ANKRD44: variants seen among roughly 807,000 people sequenced by gnomAD.
ANKRD44 encodes ankyrin repeat domain 44, also known as serine/threonine-protein phosphatase 6 regulatory ankyrin repeat subunit B.
ANKRD44 carries 35 observed loss-of-function variants against 116.0 expected under a neutral mutation model. The ratio of observed to expected loss-of-function variants is 0.30; its 90% CI spans 0.23 to 0.40. The LOEUF (loss-of-function observed/expected upper bound fraction) is 0.40, where lower values mean the gene tolerates loss of function less well. ANKRD44 is among the 10% of genes least tolerant of loss of function. The pLI is 1.00. For synonymous variants in ANKRD44, 435 were observed against 461.8 expected (o/e 0.94, Z 0.74); for missense variants, 1,014 against 1,242.6 (o/e 0.82, Z 2.77).
chr2:197,227,992 A>G (rs1218032222), intron 1 of ANKRD44, among the ~76,000 whole-genome samples: 1 of 152,228 alleles, frequency 6.6e-6, no homozygotes, highest in Non-Finnish European at 1.5e-5. Flanking sequence ...AAAACAAAAG[A>G]GCTGATTATA....
At chr2:197,277,615 C>T (rs1466822025) in intron 1 of ANKRD44, among the ~76,000 whole-genome samples, 2 of 152,134 alleles carry the variant, frequency 1.3e-5, no homozygotes, top group Non-Finnish European at 2.9e-5. Flanking sequence ...AATAATTTCA[C>T]TCAAGGTTTT....
intron 1 of ANKRD44, among the ~76,000 whole-genome samples, chr2:197,254,674 A>G (rs1287909398): frequency 6.6e-6 from 1 of 151,398 alleles, no homozygotes; most frequent in Non-Finnish European, 1.5e-5. Flanking sequence ...TTCCTCTAAA[A>G]GTAGGGGGGA....
chr2:197,266,741 A>G (rs1026089540), intron 1 of ANKRD44, among the ~76,000 whole-genome samples: 2 of 151,946 alleles, frequency 1.3e-5, no homozygotes, highest in African/African-American at 2.4e-5. Flanking sequence ...GCGATGAAAA[A>G]TGAAATACTC....
chr2:197,018,792 T>G (rs1437464450), intron 17 of ANKRD44, among the ~76,000 whole-genome samples: 1 of 152,218 alleles, frequency 6.6e-6, no homozygotes, highest in Non-Finnish European at 1.5e-5. Flanking sequence ...TTGGTAGAAA[T>G]ATGTTTTTTA....
intron 26 of ANKRD44, 23 bp downstream of exon 26, chr2:196,995,356 C>T (rs1347534509): frequency 1.9e-6 from 3 of 1,566,260 alleles, no homozygotes; most frequent in Non-Finnish European, 2.6e-6. Context: ...GGGTTCAAGT[C>T]CAACTTTAGT....
intron 2 of ANKRD44, among the ~76,000 whole-genome samples, chr2:197,154,944 T>C (rs1021596506): frequency 6.6e-6 from 1 of 152,212 alleles, no homozygotes; most frequent in African/African-American, 2.4e-5. Context: ...AATATAGATA[T>C]ATTTTCTATC....
intron 10 of ANKRD44, among the ~76,000 whole-genome samples, chr2:197,097,698 G>A (rs1010334329): frequency 6.6e-6 from 1 of 152,148 alleles, no homozygotes; most frequent in African/African-American, 2.4e-5. Context: ...TTTGTAGCCT[G>A]GACTGCCTCC....
chr2:197,022,137 A>G (rs558390752), intron 17 of ANKRD44, among the ~76,000 whole-genome samples: 1 of 152,322 alleles, frequency 6.6e-6, no homozygotes, highest in South Asian at 2.1e-4. Flanking sequence ...GCTTCCACCT[A>G]AGAAATTATG....
chr2:197,013,698 G>C lies in ANKRD44; in HGVS notation c.1737C>G (p.His579Gln). The part of the protein sequence containing the change: ...SPLHLAAYNG[H>Q]HQALEVLLQS... ...GCAGAAGGACTTCCAAGGCTTGATG[G>C]TGCCCATTGTAGGCCTGCAAAGAAG... Residue 579 changes from histidine to glutamine, a missense_variant, in exon 18 of 28, where the codon CAC becomes CAG. Transcript: ENST00000282272. 2 of 1,612,930 alleles carry C rather than the reference G, an allele frequency of 1.2e-6. No individual in the cohort carries two copies. Among genetic ancestry groups the C allele is most frequent in the Non-Finnish European group, 1.7e-6 (2 of 1,180,028 alleles).
chr2:196,973,893 T>C (rs192442568), intron 21 of ANKRD44, among the ~76,000 whole-genome samples: 18 of 152,278 alleles, frequency 1.2e-4, no homozygotes, highest in African/African-American at 4.1e-4. Flanking sequence ...AGACCCACCA[T>C]GGTTATTAGA....
chr2:197,089,836 G>A (rs961687079), intron 11 of ANKRD44, 114 bp downstream of exon 11: 9 of 788,698 alleles, frequency 1.1e-5, no homozygotes, highest in Middle Eastern at 4.6e-4. Flanking sequence ...TCATCCTGAC[G>A]AGTCAGGTAA....
At chr2:197,090,788 C>T (rs1159497029) in intron 10 of ANKRD44, among the ~76,000 whole-genome samples, 1 of 152,150 alleles carries the variant, frequency 6.6e-6, no homozygotes, top group Admixed American at 6.5e-5. Flanking sequence ...TATGGCTGAA[C>T]GTCAGAGAGA....
At position 197,125,959 on chromosome 2, in the gene ANKRD44, C is replaced by T. The variant is rs762402008; in HGVS notation, c.340G>A (p.Ala114Thr). 15 of 1,614,232 alleles carry T rather than the reference C, an allele frequency of 9.3e-6. No individual in the cohort carries two copies. The highest frequency in any genetic ancestry group is 2.5e-6 in the Non-Finnish European group (3 of 1,180,048). ...DKNWQTPLHV[A>T]AANKAVKCAE... ...CATTTGACAGCCTTGTTGGCTGCTG[C>T]CACATGAAGAGGGGTCTGCCAGTTC... is the stretch of plus-strand genomic sequence containing the variant. The change falls in exon 5 of 28, where the codon GCA becomes ACA. Residue 114 changes from alanine to threonine, a missense_variant. By Grantham distance (58) the Ala-to-Thr change is moderately conservative. Transcript: ENST00000282272.
chr2:197,106,064 AGGATGGAGTAGG>A (rs2078419116), intron 9 of ANKRD44, among the ~76,000 whole-genome samples: 1 of 152,224 alleles, frequency 6.6e-6, no homozygotes, highest in African/African-American at 2.4e-5. Context: ...ACTATCAGGA[AGGATGGAGTAGG>A]GGTCTGAGCT....
chr2:197,117,763 T>C (rs1035576433), intron 8 of ANKRD44, among the ~76,000 whole-genome samples: 4 of 152,230 alleles, frequency 2.6e-5, no homozygotes, highest in South Asian at 2.1e-4. Context: ...AGCCTCTCCC[T>C]TCAGTCCCGT....
chr2:197,252,500 G>A (rs1380247895), intron 1 of ANKRD44, among the ~76,000 whole-genome samples: 4 of 151,990 alleles, frequency 2.6e-5, no homozygotes, highest in East Asian at 1.9e-4. Flanking sequence ...TCCGCCTCCC[G>A]GGTTCACGCC....
intron 1 of ANKRD44, among the ~76,000 whole-genome samples, chr2:197,239,621 T>C (rs2125792405): frequency 6.6e-6 from 1 of 152,346 alleles, no homozygotes; most frequent in East Asian, 1.9e-4. Flanking sequence ...CTTCCACAGA[T>C]TACTCAATGC....
chr2:197,129,311 T>G lies in ANKRD44; in HGVS notation c.262-3274A>C, dbSNP rs371112880. On this transcript the variant is annotated intron_variant, in intron 4 of 27. Transcript: ENST00000282272. ...ACCACGTCCAGCTAATTTTTTTGTA[T>G]TTTTAGTAGAGACAAGGTTTCACCA... Among the ~76,000 whole-genome samples the G allele has an allele frequency of 2.0e-5, 3 of 152,058 alleles. No individual in the cohort carries two copies. The East Asian group carries it at 5.8e-4, about 29-fold the overall frequency.
rs183892630 is a variant in ANKRD44, at chr2:197,223,873, T to C, written c.28-36767A>G. On this transcript the variant is annotated intron_variant, in intron 1 of 27. Coordinates refer to ENST00000282272, the MANE Select transcript of ANKRD44 (RefSeq NM_001195144.2). Reference sequence around the variant, plus strand: ...TGTGTGCTTTCACCTATCACTTACATAATGGAAAAGTTTTTACAAGACAAA... The same window carrying C: ...TGTGTGCTTTCACCTATCACTTACACAATGGAAAAGTTTTTACAAGACAAA... Among the ~76,000 whole-genome samples the C allele has an allele frequency of 2.9e-3, 449 of 152,328 alleles. 7 individuals are homozygous for C. The highest frequency in any genetic ancestry group is 4.2e-3 in the Non-Finnish European group (283 of 68,032).
Sources: gnomAD v4.1 joint callset for allele counts (sites outside exome capture counted in the v4.1 genomes callset) on GRCh38, gnomAD v4.1.1 for gene constraint, MANE v1.5 for transcripts, NCBI Gene and HGNC (gene_info 2026-07-23, HGNC 2026-07-21) for gene names.